SEMA6D: variants seen among roughly 807,000 people sequenced by gnomAD.
The protein encoded by SEMA6D is semaphorin-6D.
Under a neutral mutation model 106.6 loss-of-function variants are expected in SEMA6D, and 35 were observed. The observed-to-expected ratio is 0.33, with a 90% CI of 0.25 to 0.44. SEMA6D has a LOEUF of 0.44. Ranked by LOEUF, SEMA6D falls within the 20% of genes least tolerant of loss-of-function variation. The probability of loss-of-function intolerance (pLI) is 1.00; values close to 1 mark genes in which losing one functional copy is unlikely to be tolerated. For synonymous variants in SEMA6D, 499 were observed against 487.7 expected (o/e 1.02, Z -0.31); for missense variants, 1,185 against 1,345.9 (o/e 0.88, Z 1.87).
chr15:47,760,975 C>A lies in SEMA6D; in HGVS notation c.222-3C>A. The A allele has an allele frequency of 6.2e-7, 1 of 1,611,388 alleles. No individual in the cohort carries two copies. Among genetic ancestry groups the A allele is most frequent in the Non-Finnish European group, 8.5e-7 (1 of 1,178,550 alleles). On this transcript the variant is annotated splice_region_variant and splice_polypyrimidine_tract_variant and intron_variant, in intron 3 of 18. Coordinates refer to ENST00000536845, the MANE Select transcript of SEMA6D (RefSeq NM_001358351.3). ...ATATGTTTTATTGCCTTATTTCCAA[C>A]AGGGATCAAGTTTATACAGTAAACT...
chr15:47,466,548 C>T (rs1246413769), intron 2 of SEMA6D, among the ~76,000 whole-genome samples: 1 of 151,952 alleles, frequency 6.6e-6, no homozygotes, highest in Non-Finnish European at 1.5e-5. Context: ...TTTCTTTATC[C>T]AGTCATCTCC....
In SEMA6D at chr15:47,622,771, G is replaced by A. The variant is rs372806882; in HGVS notation, c.-55+21875G>A. On this transcript the variant is annotated intron_variant, in intron 4 of 19. Coordinates refer to the SEMA6D transcript ENST00000558014. ...CATTTTAGCATTTGTTCCACTGAAG[G>A]CTTGGGAGCTCAGCTTTCAAAGGCG... 2.6e-4 allele frequency among the ~76,000 whole-genome samples: 40 copies of A among 152,272 alleles called. No homozygotes were observed. In the South Asian group the frequency reaches 5.6e-3, roughly 21 times the overall value.
upstream of SEMA6D, among the ~76,000 whole-genome samples, chr15:47,716,821 T>C (rs969281705): frequency 2.0e-5 from 3 of 151,434 alleles, no homozygotes; most frequent in African/African-American, 4.9e-5. Context: ...TCATTCAAAG[T>C]AGAAATGGGA....
chr15:47,204,097 C>G (rs1174339189), intron 1 of SEMA6D, among the ~76,000 whole-genome samples: 1 of 152,114 alleles, frequency 6.6e-6, no homozygotes, highest in Non-Finnish European at 1.5e-5. Flanking sequence ...ATTATTACAA[C>G]AATTCAGTTT....
intron 3 of SEMA6D, among the ~76,000 whole-genome samples, chr15:47,521,108 C>T (rs2044558201): frequency 6.6e-6 from 1 of 152,078 alleles, no homozygotes; most frequent in Non-Finnish European, 1.5e-5. Context: ...GCAGTTGTGC[C>T]CTTCACAGCT....
intron 4 of SEMA6D, among the ~76,000 whole-genome samples, chr15:47,666,998 G>A (rs1214538725): frequency 6.6e-6 from 1 of 152,072 alleles, no homozygotes; most frequent in East Asian, 1.9e-4. Context: ...CTCAGCATTG[G>A]AGTCACACGA....
At chr15:47,244,223 A>C (rs1473956483) in intron 1 of SEMA6D, among the ~76,000 whole-genome samples, 1 of 152,134 alleles carries the variant, frequency 6.6e-6, no homozygotes, top group Non-Finnish European at 1.5e-5. Context: ...ATGGGGGAGT[A>C]TGAGTGGCAT....
chr15:47,419,903 T>C (rs2041096604), intron 2 of SEMA6D, among the ~76,000 whole-genome samples: 2 of 152,044 alleles, frequency 1.3e-5, no homozygotes, highest in Admixed American at 1.3e-4. Context: ...GCTGATGTGG[T>C]GACTGATCTG....
At chr15:47,358,882 G>C (rs2038693549) in intron 1 of SEMA6D, among the ~76,000 whole-genome samples, 1 of 152,178 alleles carries the variant, frequency 6.6e-6, no homozygotes, top group African/African-American at 2.4e-5. Flanking sequence ...TCCATCTCTA[G>C]GGAATGGAGC....
chr15:47,305,388 A>T (rs1197836759), intron 1 of SEMA6D, among the ~76,000 whole-genome samples: 1 of 152,230 alleles, frequency 6.6e-6, no homozygotes, highest in Non-Finnish European at 1.5e-5. Context: ...ATTTAGCTCC[A>T]TCTCCTGAGC....
At chr15:47,598,586 T>A (rs1380317642) in intron 3 of SEMA6D, among the ~76,000 whole-genome samples, 1 of 152,144 alleles carries the variant, frequency 6.6e-6, no homozygotes, top group Non-Finnish European at 1.5e-5. Flanking sequence ...CCTACATTAG[T>A]TCATCTCTCT....
At chr15:47,766,266 A>T (rs1397523816) in intron 15 of SEMA6D, 84 bp downstream of exon 15, 3 of 1,203,198 alleles carry the variant, frequency 2.5e-6, no homozygotes, top group African/African-American at 1.5e-5. Flanking sequence ...ACTTCCAATT[A>T]TACTACTTTT....
intron 2 of SEMA6D, among the ~76,000 whole-genome samples, chr15:47,428,381 A>T (rs1226893110): frequency 1.3e-5 from 2 of 152,168 alleles, no homozygotes; most frequent in African/African-American, 2.4e-5. Flanking sequence ...GAGTATTTTT[A>T]ATTATAACCA....
intron 3 of SEMA6D, among the ~76,000 whole-genome samples, chr15:47,518,501 T>G (rs2044462416): frequency 6.6e-6 from 1 of 152,236 alleles, no homozygotes; most frequent in Non-Finnish European, 1.5e-5. Flanking sequence ...CCAATCTAAA[T>G]GGTATAGCCC....
At chr15:47,222,949 TA>T (rs1343054009) in intron 1 of SEMA6D, among the ~76,000 whole-genome samples, 1 of 152,152 alleles carries the variant, frequency 6.6e-6, no homozygotes, top group African/African-American at 2.4e-5. Flanking sequence ...ATTTAGTGAC[TA>T]AAAAACCACA....
At chr15:47,620,339 C>T (rs1357317729) in intron 4 of SEMA6D, among the ~76,000 whole-genome samples, 1 of 152,174 alleles carries the variant, frequency 6.6e-6, no homozygotes, top group East Asian at 1.9e-4. Flanking sequence ...GGCATGTGCC[C>T]AGGCTCCTCA....
At chr15:47,649,132 G>A (rs904991815) in intron 4 of SEMA6D, among the ~76,000 whole-genome samples, 1 of 152,078 alleles carries the variant, frequency 6.6e-6, no homozygotes, top group African/African-American at 2.4e-5. Flanking sequence ...GCAGCTCTAT[G>A]TCTGTTTATA....
chr15:47,244,640 C>T (rs1255747723), intron 1 of SEMA6D, among the ~76,000 whole-genome samples: 1 of 152,122 alleles, frequency 6.6e-6, no homozygotes, highest in African/African-American at 2.4e-5. Context: ...CTCTGTCATC[C>T]AAGCCTTTAG....
chr15:47,706,550 G>C (rs369103892), intron 4 of SEMA6D, among the ~76,000 whole-genome samples: 61 of 152,208 alleles, frequency 4.0e-4, no homozygotes, highest in African/African-American at 1.4e-3. Context: ...AAAAAGAAAA[G>C]AAAAGTAAGT....
Sources: allele counts gnomAD v4.1 joint callset (sites outside exome capture counted in the v4.1 genomes callset), GRCh38; gene constraint gnomAD v4.1.1; transcripts MANE v1.5; gene names NCBI Gene and HGNC (gene_info 2026-07-23, HGNC 2026-07-21).